Variants in EYS observed in about 807,000 individuals in gnomAD.
The protein encoded by EYS is EGF-like photoreceptor maintenance factor.
A neutral mutation model predicts 282.1 loss-of-function variants in EYS; 250 were observed. The observed-to-expected ratio is 0.89, with a 90% CI of 0.80 to 0.98. The LOEUF (loss-of-function observed/expected upper bound fraction) is 0.98. EYS is among the 50% of genes least tolerant of loss of function. The probability of loss-of-function intolerance (pLI) is 0.00; values close to 1 mark genes in which losing one functional copy is unlikely to be tolerated. For missense variants in EYS, 4,016 were observed against 3,709.0 expected, an observed-to-expected ratio of 1.08 and a Z score of -2.15; for synonymous variants, 1,355 against 1,282.9, an observed-to-expected ratio of 1.06 and a Z score of -1.20.
At chr6:65,008,246 A>C (rs1561917844) in intron 13 of EYS, among the ~76,000 whole-genome samples, 1 of 152,194 alleles carries the variant, frequency 6.6e-6, no homozygotes, top group Non-Finnish European at 1.5e-5. Flanking sequence ...AGACTAAGGG[A>C]GGCGTTGAGG....
At chr6:64,195,180 A>T (rs1319899299) in intron 31 of EYS, among the ~76,000 whole-genome samples, 4 of 152,132 alleles carry the variant, frequency 2.6e-5, no homozygotes, top group African/African-American at 9.7e-5. Flanking sequence ...TTCTAGCTAG[A>T]AATTTATCAT....
chr6:65,623,065 T>C (rs1766578701), intron 2 of EYS, among the ~76,000 whole-genome samples: 1 of 152,170 alleles, frequency 6.6e-6, no homozygotes, highest in Non-Finnish European at 1.5e-5. Context: ...GTGATTCTCC[T>C]TTTTAATACC....
chr6:64,945,821 T>A lies in EYS; in HGVS notation c.2353A>T (p.Thr785Ser). The A allele has an allele frequency of 6.5e-7, 1 of 1,550,016 alleles. No individual in the cohort carries two copies. The highest frequency in any genetic ancestry group is 8.7e-7 in the Non-Finnish European group (1 of 1,145,934). Residue 785 changes from threonine to serine, a missense_variant, in exon 15 of 43, where the codon ACC (threonine) becomes TCC (serine). Physicochemically the swap from Thr to Ser is moderately conservative, Grantham distance 58. Coordinates refer to ENST00000503581, the MANE Select transcript of EYS (RefSeq NM_001142800.2). Reference sequence around the variant, plus strand: ...TAGCTTTTGTAAAGGTCAGTACAGGTGGAATTGTTCTTGCAAGGATTCATT... The same window carrying A: ...TAGCTTTTGTAAAGGTCAGTACAGGAGGAATTGTTCTTGCAAGGATTCATT... ...CKMNPCKNNS[T>S]CTDLYKSYRC...
intron 26 of EYS, among the ~76,000 whole-genome samples, chr6:64,564,808 TA>T (rs1765514914): frequency 6.7e-6 from 1 of 149,010 alleles, no homozygotes; most frequent in South Asian, 2.1e-4. Context: ...GGTCGGGGGC[TA>T]GGGGAGGGAT....
intron 5 of EYS, among the ~76,000 whole-genome samples, chr6:65,431,429 T>A (rs1767883344): frequency 6.6e-6 from 1 of 152,138 alleles, no homozygotes; most frequent in Non-Finnish European, 1.5e-5. Context: ...CTTTTTTCCT[T>A]TGGTGGATAC....
At chr6:64,324,615 C>A (rs919577036) in intron 29 of EYS, among the ~76,000 whole-genome samples, 9 of 152,088 alleles carry the variant, frequency 5.9e-5, no homozygotes, top group African/African-American at 2.2e-4. Context: ...GAAGTTCCAG[C>A]CACAGTAATC....
At chr6:65,591,879 C>A (rs76514838) in intron 2 of EYS, among the ~76,000 whole-genome samples, 2,004 of 151,986 alleles carry the variant, frequency 0.013, 59 homozygotes, top group African/African-American at 0.045. Flanking sequence ...ATTTCTGTAT[C>A]CACCATTAAG....
At chr6:64,247,194 GT>G (rs2150346527) in intron 30 of EYS, among the ~76,000 whole-genome samples, 1 of 152,238 alleles carries the variant, frequency 6.6e-6, no homozygotes, top group South Asian at 2.1e-4. Flanking sequence ...CATTAAAAAT[GT>G]GTGATTACTT....
chr6:64,957,811 G>T (rs1014401796), intron 14 of EYS, among the ~76,000 whole-genome samples: 1 of 151,990 alleles, frequency 6.6e-6, no homozygotes, highest in East Asian at 1.9e-4. Flanking sequence ...TGGAAAAATC[G>T]TCTAGGCTTT....
At chr6:65,007,191 T>G (rs1457431214) in intron 13 of EYS, among the ~76,000 whole-genome samples, 4 of 152,086 alleles carry the variant, frequency 2.6e-5, no homozygotes, top group Non-Finnish European at 5.9e-5. Flanking sequence ...GTTACGCACC[T>G]AGAAAGGAAT....
At chr6:63,738,646 G>A (rs1009804319) in intron 41 of EYS, among the ~76,000 whole-genome samples, 2 of 150,556 alleles carry the variant, frequency 1.3e-5, no homozygotes, top group African/African-American at 2.4e-5. Flanking sequence ...TAAATGACGA[G>A]TTAATGGGTG....
chr6:64,918,787 T>G lies in EYS; in HGVS notation c.2382-6044A>C, dbSNP rs549194155. ...TGACAACGATGGAAATAGAAGAAAATAAGATGGCACTGATGCTTAATATGT... is the reference window on the plus strand; with the variant it reads ...TGACAACGATGGAAATAGAAGAAAAGAAGATGGCACTGATGCTTAATATGT... On this transcript the variant is annotated intron_variant, in intron 15 of 42. Coordinates refer to ENST00000503581, the MANE Select transcript of EYS (RefSeq NM_001142800.2). Among the ~76,000 whole-genome samples the G allele has an allele frequency of 3.3e-5, 5 of 152,172 alleles. No homozygotes were observed. In the East Asian group the frequency reaches 9.7e-4, roughly 29 times the overall value.
At chr6:64,334,266 A>G (rs890071647) in intron 29 of EYS, among the ~76,000 whole-genome samples, 2 of 152,152 alleles carry the variant, frequency 1.3e-5, no homozygotes, top group African/African-American at 4.8e-5. Flanking sequence ...AGGCTTATCA[A>G]TTACTACCTG....
intron 22 of EYS, among the ~76,000 whole-genome samples, chr6:64,766,586 C>T (rs1334377219): frequency 3.0e-5 from 4 of 131,642 alleles, no homozygotes; most frequent in Non-Finnish European, 6.4e-5. Flanking sequence ...GAGCCAAGAT[C>T]ATGCCATTGC....
At chr6:64,839,939 T>A (rs1007990237) in intron 19 of EYS, among the ~76,000 whole-genome samples, 1 of 152,080 alleles carries the variant, frequency 6.6e-6, no homozygotes. Context: ...AAATGGAGAT[T>A]AAGTTTTAAC....
At chr6:65,416,324 C>T (rs1222273123) in intron 5 of EYS, among the ~76,000 whole-genome samples, 2 of 151,666 alleles carry the variant, frequency 1.3e-5, no homozygotes, top group Non-Finnish European at 2.9e-5. Flanking sequence ...AAATAAGGAG[C>T]CATTTATTAA....
intron 22 of EYS, among the ~76,000 whole-genome samples, chr6:64,667,116 T>TC (rs1458509276): frequency 6.6e-6 from 1 of 151,242 alleles, no homozygotes; most frequent in African/African-American, 2.4e-5. Context: ...CCCTATATCC[T>TC]CACTCAGGAT....
At chr6:64,469,846 T>C (rs778213727) in intron 26 of EYS, among the ~76,000 whole-genome samples, 5 of 152,166 alleles carry the variant, frequency 3.3e-5, no homozygotes, top group Non-Finnish European at 7.4e-5. Context: ...GTCACGCTCC[T>C]AGTCCGCCTT....
At chr6:64,151,343 AT>A (rs1774717394) in intron 31 of EYS, among the ~76,000 whole-genome samples, 1 of 118,672 alleles carries the variant, frequency 8.4e-6, no homozygotes, top group Non-Finnish European at 1.6e-5. Context: ...ATATATATAT[AT>A]ATATATATAT....
Sources: gnomAD v4.1 joint callset for allele counts (sites outside exome capture counted in the v4.1 genomes callset) on GRCh38, gnomAD v4.1.1 for gene constraint, MANE v1.5 for transcripts, NCBI Gene and HGNC (gene_info 2026-07-23, HGNC 2026-07-21) for gene names.